Variants in RSU1 observed in about 807,000 individuals in gnomAD.
The protein encoded by RSU1 is Ras suppressor protein 1.
Under a neutral mutation model 31.1 loss-of-function variants are expected in RSU1, and 26 were observed. That is an observed-to-expected ratio of 0.84 (90% CI 0.61 to 1.16). The LOEUF is 1.16. Ranked by LOEUF, RSU1 falls within the 50% of genes most tolerant of loss-of-function variation. RSU1 has a pLI of 0.00. For missense variants in RSU1, 320 were observed against 339.1 expected, an observed-to-expected ratio of 0.94 and a Z score of 0.44; for synonymous variants, 164 against 136.3, an observed-to-expected ratio of 1.20 and a Z score of -1.41.
chr10:16,759,362 C>T (rs909525943), intron 4 of RSU1, among the ~76,000 whole-genome samples: 20 of 151,988 alleles, frequency 1.3e-4, no homozygotes, highest in African/African-American at 3.9e-4. Context: ...CAAAAATCAG[C>T]ATGGCGTGGT....
chr10:16,768,269 AG>A (rs1172113062), intron 3 of RSU1, among the ~76,000 whole-genome samples: 5 of 152,158 alleles, frequency 3.3e-5, no homozygotes, highest in African/African-American at 1.2e-4. Flanking sequence ...ACCATTTCCA[AG>A]GTCTCTTCCA....
intron 2 of RSU1, among the ~76,000 whole-genome samples, chr10:16,797,250 G>C (rs150479585): frequency 8.7e-4 from 133 of 152,184 alleles, no homozygotes; most frequent in African/African-American, 3.0e-3. Flanking sequence ...TACTCCACAA[G>C]GAGCAGTAAG....
intron 8 of RSU1, among the ~76,000 whole-genome samples, chr10:16,633,394 T>C (rs112858599): frequency 0.016 from 2,438 of 152,152 alleles, 60 homozygotes; most frequent in African/African-American, 0.055. Context: ...TGTTAATTTG[T>C]GCCTCCAAGA....
At chr10:16,805,901 T>TA (rs984433792) in intron 2 of RSU1, among the ~76,000 whole-genome samples, 8 of 152,056 alleles carry the variant, frequency 5.3e-5, no homozygotes, top group Non-Finnish European at 1.0e-4. Flanking sequence ...AGGAGTTAAG[T>TA]AAAAGCCTTG....
intron 8 of RSU1, among the ~76,000 whole-genome samples, chr10:16,679,846 C>T (rs1278962988): frequency 6.7e-6 from 1 of 149,862 alleles, no homozygotes; most frequent in Non-Finnish European, 1.5e-5. Flanking sequence ...AAACTCCCCT[C>T]ATCTGGCACA....
intron 2 of RSU1, among the ~76,000 whole-genome samples, chr10:16,792,508 G>C (rs1023017826): frequency 2.0e-5 from 3 of 152,186 alleles, no homozygotes; most frequent in Non-Finnish European, 2.9e-5. Context: ...TGGGATTACA[G>C]GTATGAGCCA....
intron 8 of RSU1, among the ~76,000 whole-genome samples, chr10:16,687,878 C>T (rs1321612761): frequency 6.6e-6 from 1 of 152,036 alleles, no homozygotes; most frequent in Non-Finnish European, 1.5e-5. Context: ...TGCCACCATG[C>T]CCGGCTAATT....
chr10:16,785,095 T>C (rs1837744177), intron 2 of RSU1, among the ~76,000 whole-genome samples: 1 of 152,124 alleles, frequency 6.6e-6, no homozygotes. Flanking sequence ...CCAAAGGAGA[T>C]TAACATTTGA....
At chr10:16,712,855 T>C (rs933541260) in intron 7 of RSU1, among the ~76,000 whole-genome samples, 1 of 152,174 alleles carries the variant, frequency 6.6e-6, no homozygotes, top group African/African-American at 2.4e-5. Flanking sequence ...GTGGTAGCAC[T>C]CCCTTAAGCA....
At chr10:16,743,757 T>C (rs1238157707) in intron 7 of RSU1, among the ~76,000 whole-genome samples, 1 of 152,162 alleles carries the variant, frequency 6.6e-6, no homozygotes, top group African/African-American at 2.4e-5. Context: ...TCTAAAAAAA[T>C]TAACTTTTTT....
chr10:16,710,309 T>C (rs185223243), intron 7 of RSU1, among the ~76,000 whole-genome samples: 5 of 152,368 alleles, frequency 3.3e-5, no homozygotes, highest in South Asian at 2.1e-4. Context: ...ATTACACTTA[T>C]TGACTTGCAT....
chr10:16,653,052 G>A (rs1449088367), intron 8 of RSU1, among the ~76,000 whole-genome samples: 1 of 151,928 alleles, frequency 6.6e-6, no homozygotes, highest in Non-Finnish European at 1.5e-5. Flanking sequence ...AAAAATCTAG[G>A]GAAAAAAATA....
At chr10:16,617,784 A>C (rs1330819018) in intron 8 of RSU1, among the ~76,000 whole-genome samples, 1 of 152,246 alleles carries the variant, frequency 6.6e-6, no homozygotes. Context: ...AGCCATATGC[A>C]GAAAACAGAA....
At chr10:16,718,898 T>C (rs911102577) in intron 7 of RSU1, among the ~76,000 whole-genome samples, 2 of 151,932 alleles carry the variant, frequency 1.3e-5, no homozygotes, top group African/African-American at 4.8e-5. Context: ...GGAGAATTGC[T>C]TGATCCCTGG....
At chr10:16,641,094 C>T (rs1200263640) in intron 8 of RSU1, among the ~76,000 whole-genome samples, 1 of 152,176 alleles carries the variant, frequency 6.6e-6, no homozygotes, top group African/African-American at 2.4e-5. Flanking sequence ...GTGCAGCAGT[C>T]CACCATGGCA....
chr10:16,667,726 G>T (rs144522707), intron 8 of RSU1, among the ~76,000 whole-genome samples: 10 of 152,252 alleles, frequency 6.6e-5, no homozygotes, highest in Admixed American at 1.3e-4. Flanking sequence ...GACCTCAGGT[G>T]ATCTGCCCAC....
At chr10:16,794,140 C>G (rs552532655) in intron 2 of RSU1, among the ~76,000 whole-genome samples, 1 of 152,144 alleles carries the variant, frequency 6.6e-6, no homozygotes, top group Non-Finnish European at 1.5e-5. Context: ...GACTCTCCAG[C>G]CTTTGGCCTT....
intron 8 of RSU1, among the ~76,000 whole-genome samples, chr10:16,641,303 C>A (rs1834437638): frequency 6.6e-6 from 1 of 152,000 alleles, no homozygotes; most frequent in Admixed American, 6.6e-5. Context: ...TCAGCCTGGC[C>A]AACATGGTGG....
At chr10:16,782,237 A>C (rs919672221) in intron 2 of RSU1, among the ~76,000 whole-genome samples, 153 bp from the exon 3 acceptor site, 2 of 152,234 alleles carry the variant, frequency 1.3e-5, no homozygotes, top group Non-Finnish European at 2.9e-5. Flanking sequence ...ATGTAACACG[A>C]TCTATTCAAT....
Sources: gnomAD v4.1 joint callset for allele counts (sites outside exome capture counted in the v4.1 genomes callset) on GRCh38, gnomAD v4.1.1 for gene constraint, MANE v1.5 for transcripts, NCBI Gene and HGNC (gene_info 2026-07-23, HGNC 2026-07-21) for gene names.